Variants in FHIT observed in about 807,000 individuals in gnomAD.
The protein encoded by FHIT is bis(5'-adenosyl)-triphosphatase.
FHIT carries 19 observed loss-of-function variants against 17.9 expected under a neutral mutation model. That is an observed-to-expected ratio of 1.06 (90% CI 0.74 to 1.56). FHIT has a LOEUF of 1.56. Ranked by LOEUF, FHIT falls within the 40% of genes most tolerant of loss-of-function variation. The pLI is 0.00. For synonymous variants in FHIT, 81 were observed against 69.7 expected (o/e 1.16, Z -0.81); for missense variants, 248 against 189.2 (o/e 1.31, Z -1.82).
intron 5 of FHIT, among the ~76,000 whole-genome samples, chr3:60,255,785 G>A (rs888333888): frequency 3.9e-5 from 6 of 152,070 alleles, no homozygotes; most frequent in Non-Finnish European, 8.8e-5. Context: ...GACCTGGGAG[G>A]TGGAGGTTGC....
chr3:60,768,020 G>C (rs1699911837), intron 4 of FHIT, among the ~76,000 whole-genome samples: 1 of 151,998 alleles, frequency 6.6e-6, no homozygotes, highest in Non-Finnish European at 1.5e-5. Context: ...ACCTGAAGAA[G>C]GAAAAAAATA....
intron 4 of FHIT, among the ~76,000 whole-genome samples, chr3:60,761,383 T>C (rs1553719861): frequency 2.0e-5 from 3 of 152,204 alleles, no homozygotes. Context: ...ATTTCTTTTT[T>C]TATGTTGCTC....
intron 4 of FHIT, among the ~76,000 whole-genome samples, chr3:60,761,191 T>C (rs1699638557): frequency 6.6e-6 from 1 of 152,250 alleles, no homozygotes; most frequent in Middle Eastern, 3.4e-3. Flanking sequence ...AGAATTAGAA[T>C]TGCAAAAATT....
chr3:60,413,448 A>T (rs974730567), intron 5 of FHIT, among the ~76,000 whole-genome samples: 1 of 152,162 alleles, frequency 6.6e-6, no homozygotes, highest in Non-Finnish European at 1.5e-5. Flanking sequence ...TTACTTGGCC[A>T]ATAGAGTTAA....
At chr3:60,630,542 C>T (rs1210771327) in intron 4 of FHIT, among the ~76,000 whole-genome samples, 2 of 152,192 alleles carry the variant, frequency 1.3e-5, no homozygotes, top group Non-Finnish European at 2.9e-5. Flanking sequence ...CACTGTACCA[C>T]CACCACAAGC....
intron 8 of FHIT, among the ~76,000 whole-genome samples, chr3:59,900,813 C>A (rs1196627432): frequency 1.3e-5 from 2 of 152,084 alleles, no homozygotes; most frequent in Non-Finnish European, 2.9e-5. Context: ...GGGGTTTCAC[C>A]ATGTTGGCCA....
intron 5 of FHIT, among the ~76,000 whole-genome samples, chr3:60,323,400 G>A (rs974990291): frequency 6.6e-6 from 1 of 152,254 alleles, no homozygotes; most frequent in Admixed American, 6.5e-5. Context: ...TACTTCCTGA[G>A]GATGAGACAC....
intron 3 of FHIT, among the ~76,000 whole-genome samples, chr3:60,869,569 G>A (rs1272798928): frequency 1.3e-5 from 2 of 152,144 alleles, no homozygotes; most frequent in Non-Finnish European, 2.9e-5. Context: ...GAGACCTTGG[G>A]GTGGGAGATG....
intron 3 of FHIT, among the ~76,000 whole-genome samples, chr3:60,894,741 A>G (rs564107353): frequency 6.6e-6 from 1 of 152,318 alleles, no homozygotes; most frequent in Non-Finnish European, 1.5e-5. Flanking sequence ...AAAACTGTGG[A>G]AAACTTGCAA....
At chr3:60,301,053 T>C (rs1424671450) in intron 5 of FHIT, among the ~76,000 whole-genome samples, 2 of 152,040 alleles carry the variant, frequency 1.3e-5, no homozygotes, top group African/African-American at 2.4e-5. Flanking sequence ...ATCCCTAGAG[T>C]TCCCATTTGG....
chr3:61,182,053 T>C (rs2038360434), intron 2 of FHIT, among the ~76,000 whole-genome samples: 1 of 152,160 alleles, frequency 6.6e-6, no homozygotes, highest in Non-Finnish European at 1.5e-5. Flanking sequence ...TGAAATCGGA[T>C]ACTCTGAAGG....
intron 5 of FHIT, among the ~76,000 whole-genome samples, chr3:60,062,975 G>T (rs201327004): frequency 6.6e-6 from 1 of 152,120 alleles, no homozygotes; most frequent in South Asian, 2.1e-4. Flanking sequence ...CAACTGAGGA[G>T]CAAGAAATGT....
In FHIT at chr3:60,860,535, G is replaced by T. The variant is rs1423977159; in HGVS notation, c.-110-38524C>A. Among the ~76,000 whole-genome samples, 35 of 27,620 alleles carry T rather than the reference G, an allele frequency of 1.3e-3. 1 individual carries two copies. The highest frequency in any genetic ancestry group is 2.8e-3 in the African/African-American group (35 of 12,444). 18.1% of individuals were successfully genotyped at this position (27,620 alleles called of 152,430 possible). ...TGATACATATGTATCATATATATCAGGTATATATGATACATATGTATCATA... is the reference window on the plus strand; with the variant it reads ...TGATACATATGTATCATATATATCATGTATATATGATACATATGTATCATA... On this transcript the variant is annotated intron_variant, in intron 3 of 9. Transcript: ENST00000492590.
At chr3:60,643,230 GT>G (rs147472367) in intron 4 of FHIT, among the ~76,000 whole-genome samples, 8 of 151,784 alleles carry the variant, frequency 5.3e-5, no homozygotes, top group African/African-American at 1.9e-4. Context: ...ACATGATTTT[GT>G]TTTCTTTCCC....
intron 5 of FHIT, among the ~76,000 whole-genome samples, chr3:60,033,987 G>A (rs1005247685): frequency 2.6e-5 from 4 of 152,186 alleles, no homozygotes; most frequent in African/African-American, 7.2e-5. Context: ...ACACCGTCTC[G>A]TGAGGGAGTA....
At chr3:60,966,029 C>T (rs1231995930) in intron 3 of FHIT, among the ~76,000 whole-genome samples, 1 of 152,176 alleles carries the variant, frequency 6.6e-6, no homozygotes, top group Non-Finnish European at 1.5e-5. Flanking sequence ...TATGCCCTGA[C>T]CCTAGAGGTG....
Position 60,304,547 on chromosome 3 carries a change from C to T in FHIT, c.103+232313G>A, listed in dbSNP as rs1163220765. Reference sequence around the variant, plus strand: ...CAGATGAGACAAGTGTGTGAGTTTACATGCTTACAAAAAGCACTTATCTTT... The same window carrying T: ...CAGATGAGACAAGTGTGTGAGTTTATATGCTTACAAAAAGCACTTATCTTT... On this transcript the variant is annotated intron_variant, in intron 5 of 9. Coordinates refer to ENST00000492590, the MANE Select transcript of FHIT (RefSeq NM_002012.4). Among the ~76,000 whole-genome samples, 70 of 152,054 alleles carry T rather than the reference C, an allele frequency of 4.6e-4. 1 individual carries two copies. The highest frequency in any genetic ancestry group is 7.4e-5 in the Non-Finnish European group (5 of 67,996).
rs910470202 is a variant in FHIT at position 60,320,705 on chromosome 3, G to T, written c.103+216155C>A. 9.2e-5 allele frequency among the ~76,000 whole-genome samples: 14 copies of T among 151,924 alleles called. 1 individual carries two copies. The highest frequency in any genetic ancestry group is 6.3e-3 in the Middle Eastern group (2 of 316). On this transcript the variant is annotated intron_variant, in intron 5 of 9. Coordinates refer to ENST00000492590, the MANE Select transcript of FHIT (RefSeq NM_002012.4). ...AACATCCAATCAAATAAAATGAAAAGATTTCTATAAAACTTGTGCTATAAT... is the reference window on the plus strand; with the variant it reads ...AACATCCAATCAAATAAAATGAAAATATTTCTATAAAACTTGTGCTATAAT...
chr3:60,673,742 T>C (rs1050000733), intron 4 of FHIT, among the ~76,000 whole-genome samples: 1 of 152,228 alleles, frequency 6.6e-6, no homozygotes. Flanking sequence ...GTCTTCTGGC[T>C]TGAATAGTTT....
Sources: gnomAD v4.1 joint callset for allele counts (sites outside exome capture counted in the v4.1 genomes callset) on GRCh38, gnomAD v4.1.1 for gene constraint, MANE v1.5 for transcripts, NCBI Gene and HGNC (gene_info 2026-07-23, HGNC 2026-07-21) for gene names.